Variants in NBR1 observed in about 807,000 individuals in gnomAD.
NBR1 encodes the protein next to BRCA1 gene 1 protein.
In NBR1, 59 loss-of-function variants were observed where a neutral mutation model predicts 115.5. The observed-to-expected ratio is 0.51, with a 90% CI of 0.41 to 0.63. NBR1 has a LOEUF of 0.63. Ranked by LOEUF, NBR1 falls within the 30% of genes least tolerant of loss-of-function variation. The probability of loss-of-function intolerance (pLI) is 0.00; values close to 1 mark genes in which losing one functional copy is unlikely to be tolerated. For synonymous variants in NBR1, 373 were observed against 414.7 expected (o/e 0.90, Z 1.22); for missense variants, 1,043 against 1,150.5 (o/e 0.91, Z 1.35).
At chr17:43,194,777 T>C (rs2057028539) in intron 13 of NBR1, 187 bp from the exon 14 acceptor site, 1 of 627,816 alleles carries the variant, frequency 1.6e-6, no homozygotes, top group African/African-American at 1.9e-5. Flanking sequence ...CTGCATTTTC[T>C]CTTTCCTGCT....
In NBR1 at chr17:43,203,762, T is replaced by G. The variant is rs768891402; in HGVS notation, c.2703T>G (p.Phe901Leu). The G allele has an allele frequency of 2.5e-6, 4 of 1,601,362 alleles. No homozygotes were observed. In the Admixed American group the frequency reaches 6.9e-5, roughly 28 times the overall value. Residue 901 changes from phenylalanine (F) to leucine (L), a missense_variant, in exon 20 of 21, where the codon TTT becomes TTG. Physicochemically the swap from Phe to Leu is conservative, Grantham distance 22. Transcript: ENST00000590996. ...SVAASAYKAL[F>L]AGPPVTAQPI... ...CTGCCTCTGCATACAAGGCCCTGTT[T>G]GCTGGGCCACCAGTCACTGCACAGG...
At chr17:43,184,863 G>A (rs1464183180) in intron 5 of NBR1, among the ~76,000 whole-genome samples, 3 of 151,492 alleles carry the variant, frequency 2.0e-5, no homozygotes, top group East Asian at 2.0e-4. Flanking sequence ...AGGCTGAGGC[G>A]GCAGATCACG....
At chr17:43,171,048 T>G (rs1354499037), upstream of NBR1, 1 of 152,368 alleles carries the variant, frequency 6.6e-6, no homozygotes, top group Non-Finnish European at 1.5e-5. Context: ...TCAGCCTCAA[T>G]GTTTGTTATT....
In NBR1 at chr17:43,194,373, A is replaced by C. The variant is rs1282635006; in HGVS notation, c.1548A>C (p.Glu516Asp). The change falls in exon 13 of 21, where the codon GAA becomes GAC. Residue 516 changes from glutamate to aspartate, a missense_variant. Coordinates refer to ENST00000590996, the MANE Select transcript of NBR1 (RefSeq NM_005899.5). ...AGGAAACTTTTCTTCTGGCTAAAGAAGAAAGACAGCTTGGTGAAGTGACTG... is the reference window on the plus strand; with the variant it reads ...AGGAAACTTTTCTTCTGGCTAAAGACGAAAGACAGCTTGGTGAAGTGACTG... ...QQEETFLLAK[E>D]ERQLGEVTEQ... The C allele has an allele frequency of 6.2e-7, 1 of 1,613,814 alleles. No homozygotes were observed. Among genetic ancestry groups the C allele is most frequent in the South Asian group, 1.1e-5 (1 of 91,068 alleles).
At chr17:43,184,605 A>G (rs1471861500) in intron 5 of NBR1, among the ~76,000 whole-genome samples, 2 of 151,416 alleles carry the variant, frequency 1.3e-5, no homozygotes, top group Admixed American at 1.3e-4. Context: ...ACCTCAGGTG[A>G]TCTGCTCAGC....
chr17:43,173,616 A>G (rs2056432062), intron 1 of NBR1, among the ~76,000 whole-genome samples: 1 of 152,144 alleles, frequency 6.6e-6, no homozygotes, highest in African/African-American at 2.4e-5. Context: ...TTTGAATGAC[A>G]TTTTGAAAGA....
At position 43,180,774 on chromosome 17, in the gene NBR1, GTA is replaced by G; in HGVS notation, c.185-17_185-16del. ...GGGGTGTGTGAAGAAGTATCATGGT[GTA>G]TATTTTTTGTTCTTTTAGGAGAATA... On this transcript the variant is annotated intron_variant, in intron 4 of 20. Transcript: ENST00000590996. The G allele has an allele frequency of 6.9e-7, 1 of 1,457,978 alleles. No homozygotes were observed. 90.3% of individuals were successfully genotyped at this position (1,457,978 alleles called of 1,614,324 possible). A position where few individuals can be genotyped will look rare whatever the true frequency, so the allele number is the denominator to read the frequency against.
At chr17:43,191,153 C>CT (rs550546971) in intron 9 of NBR1, among the ~76,000 whole-genome samples, 9 of 152,132 alleles carry the variant, frequency 5.9e-5, no homozygotes, top group African/African-American at 2.2e-4. Context: ...ACTTGGGAGT[C>CT]TGAGGTGAGC....
At chr17:43,209,545 T>C (rs757670372) in intron 20 of NBR1, 1 of 1,530,874 alleles carries the variant, frequency 6.5e-7, no homozygotes, top group South Asian at 1.2e-5. Context: ...ACAATTACAC[T>C]TATGTTCACA....
chr17:43,187,983 C>T (rs1477839803), intron 6 of NBR1, among the ~76,000 whole-genome samples: 2 of 149,360 alleles, frequency 1.3e-5, no homozygotes, highest in African/African-American at 4.9e-5. Flanking sequence ...CTCTGTCTCC[C>T]GGGTTCACGC....
At chr17:43,186,533 A>G in intron 6 of NBR1, 89 bp downstream of exon 6, 2 of 1,137,814 alleles carry the variant, frequency 1.8e-6, no homozygotes, top group Non-Finnish European at 2.4e-6. Context: ...TTATTTTTTT[A>G]TTATACTTTA....
chr17:43,206,726 G>A (rs1187769145), intron 20 of NBR1, among the ~76,000 whole-genome samples: 1 of 151,832 alleles, frequency 6.6e-6, no homozygotes, highest in East Asian at 1.9e-4. Context: ...AGATAATTAA[G>A]AGATGGAAAT....
intron 19 of NBR1, 133 bp downstream of exon 19, chr17:43,202,845 C>A: frequency 1.5e-6 from 1 of 688,360 alleles, no homozygotes; most frequent in Non-Finnish European, 2.4e-6. Flanking sequence ...CCGTCTTATT[C>A]TTGTTTCTTC....
chr17:43,199,878 A>G (rs1331871015), intron 16 of NBR1, among the ~76,000 whole-genome samples: 1 of 152,160 alleles, frequency 6.6e-6, no homozygotes, highest in Non-Finnish European at 1.5e-5. Flanking sequence ...CCATCACATA[A>G]AAAGGAAAAA....
intron 16 of NBR1, among the ~76,000 whole-genome samples, chr17:43,199,032 T>C (rs1004623083): frequency 5.9e-5 from 9 of 152,064 alleles, no homozygotes; most frequent in Non-Finnish European, 1.0e-4. Flanking sequence ...CAAAAAGGTC[T>C]GGAAAGACAG....
At chr17:43,187,998 C>T (rs1362761125) in intron 6 of NBR1, among the ~76,000 whole-genome samples, 1 of 146,454 alleles carries the variant, frequency 6.8e-6, no homozygotes, top group African/African-American at 2.5e-5. Context: ...TCACGCCATT[C>T]TCCTGCCTCA....
chr17:43,186,881 G>A (rs1597981722), intron 6 of NBR1, among the ~76,000 whole-genome samples: 1 of 152,134 alleles, frequency 6.6e-6, no homozygotes, highest in Non-Finnish European at 1.5e-5. Flanking sequence ...ATTATTCCAT[G>A]GTGTACATGT....
At chr17:43,184,617 C>T (rs1051387472) in intron 5 of NBR1, among the ~76,000 whole-genome samples, 23 of 151,688 alleles carry the variant, frequency 1.5e-4, no homozygotes, top group African/African-American at 5.6e-4. Context: ...CTGCTCAGCT[C>T]AGACTCCCAA....
At chr17:43,171,812 C>G (rs2056379095) in intron 1 of NBR1, among the ~76,000 whole-genome samples, 1 of 152,148 alleles carries the variant, frequency 6.6e-6, no homozygotes, top group Non-Finnish European at 1.5e-5. Flanking sequence ...TCAGGCCACA[C>G]TTTTTTGAGA....
Sources: allele counts gnomAD v4.1 joint callset (sites outside exome capture counted in the v4.1 genomes callset), GRCh38; gene constraint gnomAD v4.1.1; transcripts MANE v1.5; gene names NCBI Gene and HGNC (gene_info 2026-07-23, HGNC 2026-07-21).